SUGCT: variants seen among roughly 807,000 people sequenced by gnomAD.
The protein encoded by SUGCT is succinyl-CoA:glutarate-CoA transferase.
SUGCT carries 41 observed loss-of-function variants against 55.0 expected under a neutral mutation model. That is an observed-to-expected ratio of 0.74 (90% CI 0.58 to 0.97). The LOEUF (loss-of-function observed/expected upper bound fraction) is 0.97, where lower values mean the gene tolerates loss of function less well. SUGCT is among the 50% of genes least tolerant of loss of function. The pLI is 0.00. For synonymous variants in SUGCT, 187 were observed against 200.4 expected, an observed-to-expected ratio of 0.93 and a Z score of 0.56; for missense variants, 568 against 547.8, an observed-to-expected ratio of 1.04 and a Z score of -0.37.
At chr7:40,976,767 C>A in the SUGCT span, among the ~76,000 whole-genome samples, 1 of 152,140 alleles carries the variant, frequency 6.6e-6, no homozygotes, top group African/African-American at 2.4e-5. Flanking sequence ...CCTGAAATCC[C>A]CTTTTCTCAC....
chr7:40,369,981 G>A (rs1784209145), intron 9 of SUGCT, among the ~76,000 whole-genome samples: 1 of 152,116 alleles, frequency 6.6e-6, no homozygotes, highest in African/African-American at 2.4e-5. Context: ...CCAGTTCGAG[G>A]ACTCATGGTT....
At chr7:40,486,474 C>T (rs1791356068) in intron 11 of SUGCT, among the ~76,000 whole-genome samples, 2 of 151,730 alleles carry the variant, frequency 1.3e-5, no homozygotes, top group Admixed American at 6.6e-5. Flanking sequence ...TCATTTATTT[C>T]TGCTCTGATT....
At chr7:40,383,109 G>C (rs1784951871) in intron 9 of SUGCT, among the ~76,000 whole-genome samples, 1 of 152,180 alleles carries the variant, frequency 6.6e-6, no homozygotes, top group African/African-American at 2.4e-5. Context: ...GGCCCTCTGG[G>C]AAAGTTCTCT....
the SUGCT span, among the ~76,000 whole-genome samples, chr7:40,988,511 C>T: frequency 2.0e-5 from 3 of 151,430 alleles, no homozygotes; most frequent in Non-Finnish European, 4.4e-5. Flanking sequence ...AGGAGGTGTT[C>T]AAAAAAACTG....
intron 7 of SUGCT, among the ~76,000 whole-genome samples, chr7:40,259,564 A>G (rs1791078318): frequency 6.6e-6 from 1 of 152,212 alleles, no homozygotes; most frequent in Admixed American, 6.5e-5. Flanking sequence ...TGTACACAGT[A>G]CATATATACA....
intron 13 of SUGCT, among the ~76,000 whole-genome samples, chr7:40,839,021 A>T (rs1440046393): frequency 1.3e-5 from 2 of 148,268 alleles, no homozygotes; most frequent in Non-Finnish European, 3.0e-5. Context: ...TGATCACATG[A>T]TTTTTCTCCT....
intron 10 of SUGCT, among the ~76,000 whole-genome samples, chr7:40,449,593 G>A (rs1452554492): frequency 6.6e-6 from 1 of 152,116 alleles, no homozygotes; most frequent in Non-Finnish European, 1.5e-5. Flanking sequence ...AACTTGACCT[G>A]CCTACCATTC....
At chr7:40,245,289 C>T (rs1435086175) in intron 7 of SUGCT, among the ~76,000 whole-genome samples, 4 of 148,980 alleles carry the variant, frequency 2.7e-5, no homozygotes, top group East Asian at 2.0e-4. Context: ...AAACTCCTGA[C>T]CTCAAGTGAT....
chr7:40,593,341 A>G (rs1797830329), intron 12 of SUGCT, among the ~76,000 whole-genome samples: 1 of 152,188 alleles, frequency 6.6e-6, no homozygotes, highest in Non-Finnish European at 1.5e-5. Flanking sequence ...CCAGAGAGGT[A>G]GGCATGGTCA....
chr7:40,415,065 T>TAA (rs1327694942), intron 9 of SUGCT, among the ~76,000 whole-genome samples: 27 of 78,322 alleles, frequency 3.4e-4, no homozygotes, highest in African/African-American at 1.3e-3. Flanking sequence ...AAAAAAAATC[T>TAA]ATCTATCTAT....
chr7:40,877,206 TTAAA>T, the SUGCT span, among the ~76,000 whole-genome samples: 6 of 152,194 alleles, frequency 3.9e-5, no homozygotes, highest in Non-Finnish European at 5.9e-5. Context: ...AATCAACACA[TTAAA>T]TAGTCTTTAG....
the SUGCT span, among the ~76,000 whole-genome samples, chr7:40,904,662 C>T: frequency 6.6e-6 from 1 of 152,122 alleles, no homozygotes; most frequent in Admixed American, 6.5e-5. Flanking sequence ...TACTTGATGC[C>T]ACTTAAAATG....
At chr7:40,857,470 T>G (rs1029083658) in intron 13 of SUGCT, among the ~76,000 whole-genome samples, 4 of 152,194 alleles carry the variant, frequency 2.6e-5, no homozygotes, top group Non-Finnish European at 4.4e-5. Context: ...TTTACCAACC[T>G]AAATTCTTGA....
intron 1 of SUGCT, among the ~76,000 whole-genome samples, chr7:40,159,588 C>T (rs972886954): frequency 1.3e-5 from 2 of 152,072 alleles, no homozygotes. Flanking sequence ...CCAGGATGGT[C>T]TCGATCTCCT....
At chr7:40,377,199 T>TTCC (rs1562728668) in intron 9 of SUGCT, among the ~76,000 whole-genome samples, 250 of 8,518 alleles carry the variant, frequency 0.029, 56 homozygotes, top group South Asian at 0.1. Context: ...TCTTTCTTTC[T>TTCC]TTTCTTTTCT....
chr7:40,761,272 T>C (rs1235261858), intron 13 of SUGCT, among the ~76,000 whole-genome samples: 1 of 152,162 alleles, frequency 6.6e-6, no homozygotes, highest in Admixed American at 6.5e-5. Flanking sequence ...GTAGGAGCTC[T>C]TGGATAAATA....
At chr7:40,531,040 T>C (rs1240449353) in intron 12 of SUGCT, among the ~76,000 whole-genome samples, 6 of 152,162 alleles carry the variant, frequency 3.9e-5, no homozygotes, top group Admixed American at 1.3e-4. Context: ...TCTCATATGG[T>C]CATGGAAGAT....
the SUGCT span, among the ~76,000 whole-genome samples, chr7:40,901,457 A>G: frequency 6.6e-6 from 1 of 152,164 alleles, no homozygotes; most frequent in African/African-American, 2.4e-5. Context: ...CACAACACAC[A>G]CTATATAGCA....
intron 6 of SUGCT, among the ~76,000 whole-genome samples, chr7:40,233,595 A>G (rs1788845871): frequency 6.6e-6 from 1 of 152,198 alleles, no homozygotes; most frequent in South Asian, 2.1e-4. Context: ...ATGGTTTATT[A>G]AACAACATAA....
Sources: allele counts gnomAD v4.1 joint callset (sites outside exome capture counted in the v4.1 genomes callset), GRCh38; gene constraint gnomAD v4.1.1; transcripts MANE v1.5; gene names NCBI Gene and HGNC (gene_info 2026-07-23, HGNC 2026-07-21).